Variants in PARP9 observed in about 807,000 individuals in gnomAD.
PARP9 encodes protein mono-ADP-ribosyltransferase PARP9.
PARP9 carries 48 observed loss-of-function variants against 68.8 expected under a neutral mutation model. The observed-to-expected ratio is 0.70, with a 90% CI of 0.55 to 0.89. The LOEUF (loss-of-function observed/expected upper bound fraction) is 0.89. PARP9 is among the 40% of genes least tolerant of loss of function. The pLI is 0.00. For synonymous variants in PARP9, 309 were observed against 333.8 expected (o/e 0.93, Z 0.81); for missense variants, 806 against 969.3 (o/e 0.83, Z 2.24).
chr3:122,559,520 G>A, intron 2 of PARP9, 86 bp downstream of exon 2: 1 of 1,354,868 alleles, frequency 7.4e-7, no homozygotes, highest in Non-Finnish European at 9.9e-7. Flanking sequence ...AACTGTTGGT[G>A]AACACCCCAG....
chr3:122,543,700 TC>T (rs1234800721), intron 7 of PARP9, among the ~76,000 whole-genome samples: 1 of 152,136 alleles, frequency 6.6e-6, no homozygotes, highest in East Asian at 1.9e-4. Flanking sequence ...AGCCTTGACC[TC>T]CCCGGGCTTA....
chr3:122,559,485 G>A (rs1369850808), intron 2 of PARP9, 121 bp downstream of exon 2: 11 of 892,688 alleles, frequency 1.2e-5, no homozygotes, highest in Non-Finnish European at 1.7e-5. Flanking sequence ...ACTTTATTGA[G>A]CTATTAAAAG....
intron 3 of PARP9, 42 bp from the exon 4 acceptor site, chr3:122,556,163 A>AAAAAAAAAAAAAAC (rs2079638299): frequency 9.6e-7 from 1 of 1,042,540 alleles, no homozygotes; most frequent in Non-Finnish European, 1.3e-6. Flanking sequence ...AAAAAAAAAA[A>AAAAAAAAAAAAAAC]AAAAAAAAAA....
chr3:122,535,177 T>C (rs1272483061), intron 10 of PARP9: 40 of 985,244 alleles, frequency 4.1e-5, no homozygotes, highest in Non-Finnish European at 4.8e-5. Context: ...AAATTATAGA[T>C]TTTTTAAGAC....
chr3:122,564,731 G>A, upstream of PARP9: 2 of 1,286,648 alleles, frequency 1.6e-6, no homozygotes, highest in East Asian at 2.7e-5. Context: ...GTCACTGTGC[G>A]GTGGCGGACA....
At chr3:122,531,353 G>A (rs1409294927) in intron 10 of PARP9, among the ~76,000 whole-genome samples, 1 of 152,192 alleles carries the variant, frequency 6.6e-6, no homozygotes, top group East Asian at 1.9e-4. Context: ...TTTCCCGGGA[G>A]TTTCTTCTTG....
rs370001173 is a variant in PARP9, at chr3:122,545,250, T to G, written c.1384+182A>C. Among the ~76,000 whole-genome samples, 12 of 152,348 alleles carry G rather than the reference T, an allele frequency of 7.9e-5. No homozygotes were observed. The South Asian group carries it at 2.3e-3, about 29-fold the overall frequency. On this transcript the variant is annotated intron_variant, in intron 7 of 10. Transcript: ENST00000682323. ...CCTTCCTCTGTTCATATCATGAAACTGGACCAAGCAAGAAAAGAATCATGA... is the reference window on the plus strand; with the variant it reads ...CCTTCCTCTGTTCATATCATGAAACGGGACCAAGCAAGAAAAGAATCATGA...
intron 9 of PARP9, 92 bp from the exon 10 acceptor site, chr3:122,536,434 G>A (rs1239121862): frequency 6.6e-7 from 1 of 1,520,076 alleles, no homozygotes; most frequent in East Asian, 2.3e-5. Context: ...AGGAGCTTAT[G>A]TGCATAATAC....
chr3:122,547,592 T>C (rs1310024809), intron 6 of PARP9, among the ~76,000 whole-genome samples: 1 of 152,030 alleles, frequency 6.6e-6, no homozygotes. Context: ...GTGGCTCACG[T>C]CTGTAATCCC....
At chr3:122,534,462 G>A in intron 10 of PARP9, 1 of 982,816 alleles carries the variant, frequency 1.0e-6, no homozygotes, top group Non-Finnish European at 1.2e-6. Context: ...GTGTGAGCCA[G>A]TGGCTGTTGT....
chr3:122,532,394 A>AC, intron 10 of PARP9: 1 of 985,276 alleles, frequency 1.0e-6, no homozygotes, highest in Middle Eastern at 5.2e-4. Flanking sequence ...AACCCTCCCC[A>AC]CAATGCCTCT....
In PARP9 at chr3:122,555,235, A is replaced by G. The variant is rs1271551983; in HGVS notation, c.885+51T>C. ...ATAGTGTACACTCAAAAATTATTTA[A>G]TTTTCAGGGATCACCTGTGCCAGTG... On this transcript the variant is annotated intron_variant, in intron 4 of 10. Coordinates refer to ENST00000682323, the MANE Select transcript of PARP9 (RefSeq NM_001146105.2). 3 of 1,502,126 alleles carry G rather than the reference A, an allele frequency of 2.0e-6. No homozygotes were observed. The African/African-American group carries it at 4.2e-5, about 21-fold the overall frequency. The allele number at this position is 1,502,126 out of a possible 1,614,324, so 93.0% of individuals were successfully genotyped here.
chr3:122,546,633 A>G (rs1421168607), intron 6 of PARP9, among the ~76,000 whole-genome samples: 1 of 152,216 alleles, frequency 6.6e-6, no homozygotes, highest in Non-Finnish European at 1.5e-5. Flanking sequence ...GATATAATGT[A>G]GTGTTAATGC....
chr3:122,564,655 C>G (rs763639862), upstream of PARP9: 1 of 1,558,388 alleles, frequency 6.4e-7, no homozygotes, highest in African/African-American at 1.4e-5. Context: ...CTCTGGGGGC[C>G]CGGCCCCCGG....
chr3:122,545,514 G>A, intron 6 of PARP9, 25 bp from the exon 7 acceptor site: 1 of 1,613,334 alleles, frequency 6.2e-7, no homozygotes, highest in Non-Finnish European at 8.5e-7. Flanking sequence ...ACAGAGCAGA[G>A]AGTCATAAGC....
rs1408701451 is a variant in PARP9, at chr3:122,564,195, G to T, written c.-90+50C>A. 7.9e-6 allele frequency: 4 copies of T among 505,990 alleles called. No individual in the cohort carries two copies. The South Asian group carries it at 1.2e-4, about 15-fold the overall frequency. 31.3% of individuals were successfully genotyped at this position (505,990 alleles called of 1,614,324 possible). On this transcript the variant is annotated intron_variant, in intron 1 of 10. Transcript: ENST00000682323. Reference sequence around the variant, plus strand: ...TCCCCCTTCTCCCCGCCCACCTCGAGCCTGCAGGAGAGGGGACCCCGAGGG... The same window carrying T: ...TCCCCCTTCTCCCCGCCCACCTCGATCCTGCAGGAGAGGGGACCCCGAGGG...
intron 3 of PARP9, 82 bp from the exon 4 acceptor site, chr3:122,556,203 C>T (rs2079648996): frequency 5.4e-6 from 5 of 923,414 alleles, no homozygotes; most frequent in Non-Finnish European, 6.1e-6. Context: ...AATCCCACTT[C>T]ATACCAGGAG....
rs1263411953 is a variant in PARP9 at position 122,537,182 on chromosome 3, T to C, written c.1766-109A>G. On this transcript the variant is annotated intron_variant, in intron 8 of 10. Transcript: ENST00000682323. ...AGAGGAAGGGATTAGCCAGTTTAAA[T>C]TGTGTGCCTCATGTGTTTAGGACAT... 5 of 1,182,598 alleles carry C rather than the reference T, an allele frequency of 4.2e-6. No homozygotes were observed. The African/African-American group carries it at 7.7e-5, about 18-fold the overall frequency. 73.3% of individuals were successfully genotyped at this position (1,182,598 alleles called of 1,614,324 possible).
rs1178720206 is a variant in PARP9 at position 122,540,934 on chromosome 3, A to C, written c.1385-82T>G. The C allele has an allele frequency of 2.1e-6, 3 of 1,441,230 alleles. No individual in the cohort carries two copies. The Admixed American group carries it at 6.5e-5, about 31-fold the overall frequency. The allele number at this position is 1,441,230 out of a possible 1,614,324, so 89.3% of individuals were successfully genotyped here. On this transcript the variant is annotated intron_variant, in intron 7 of 10. Coordinates refer to ENST00000682323, the MANE Select transcript of PARP9 (RefSeq NM_001146105.2). The stretch of plus-strand genomic sequence containing the variant: ...GAGATGGAGTCTCGCTCTGTCTCAC[A>C]AGCTGGAGTGCAGTGCTGCGATCTC...
Sources: allele counts gnomAD v4.1 joint callset (sites outside exome capture counted in the v4.1 genomes callset), GRCh38; gene constraint gnomAD v4.1.1; transcripts MANE v1.5; gene names NCBI Gene and HGNC (gene_info 2026-07-23, HGNC 2026-07-21).